Variants in SESN1 observed in about 807,000 individuals in gnomAD.
SESN1 encodes the protein sestrin-1.
A neutral mutation model predicts 59.3 loss-of-function variants in SESN1; 30 were observed. The ratio of observed to expected loss-of-function variants is 0.51; its 90% CI spans 0.38 to 0.69. The LOEUF is 0.69. Among genes scored for constraint, SESN1 ranks in the 30% least tolerant of loss-of-function variants. The pLI, the probability that SESN1 is intolerant of heterozygous loss-of-function variation, is 0.00. For missense variants in SESN1, 566 were observed against 673.0 expected, an observed-to-expected ratio of 0.84 and a Z score of 1.76; for synonymous variants, 197 against 219.9, an observed-to-expected ratio of 0.90 and a Z score of 0.92.
Position 108,992,904 on chromosome 6 carries a change from G to A in SESN1, c.1121-5C>T. 2 of 1,579,932 alleles carry A rather than the reference G, an allele frequency of 1.3e-6. No individual in the cohort carries two copies. The highest frequency in any genetic ancestry group is 1.7e-6 in the Non-Finnish European group (2 of 1,152,460). The stretch of plus-strand genomic sequence containing the variant: ...CTGGTGTAACTTCTTCATCATCTGG[G>A]AAAAAAGGCCATTGAAAGGTTTTTA... On this transcript the variant is annotated splice_polypyrimidine_tract_variant and splice_region_variant and intron_variant, in intron 6 of 9. Coordinates refer to ENST00000436639, the MANE Select transcript of SESN1 (RefSeq NM_014454.3).
intron 1 of SESN1, among the ~76,000 whole-genome samples, chr6:109,032,602 A>G (rs1211340855): frequency 6.7e-6 from 1 of 148,412 alleles, no homozygotes; most frequent in East Asian, 1.9e-4. Context: ...TGGGTGACAG[A>G]GCAAGACTTC....
At chr6:109,061,348 G>A (rs1009958620) in intron 1 of SESN1, among the ~76,000 whole-genome samples, 2 of 151,986 alleles carry the variant, frequency 1.3e-5, no homozygotes, top group Non-Finnish European at 2.9e-5. Flanking sequence ...TTCTATTTGT[G>A]TATAACATGT....
At chr6:109,054,505 C>G (rs1376033050) in intron 1 of SESN1, among the ~76,000 whole-genome samples, 1 of 151,936 alleles carries the variant, frequency 6.6e-6, no homozygotes, top group African/African-American at 2.4e-5. Context: ...TATGTTACAC[C>G]AATTTACATG....
rs1211187071 is a variant in SESN1, at chr6:109,092,456, T to C, written c.279+1339A>G. Among the ~76,000 whole-genome samples the C allele has an allele frequency of 2.0e-5, 3 of 152,202 alleles. No individual in the cohort carries two copies. The East Asian group carries it at 5.8e-4, about 29-fold the overall frequency. On this transcript the variant is annotated intron_variant, in intron 1 of 9. Transcript: ENST00000436639. The stretch of plus-strand genomic sequence containing the variant: ...ATTTTCAATATAACTCTTAACACGA[T>C]TGGTTATCTGGTTTCCCATTCTAAT...
Position 109,011,136 on chromosome 6 carries a change from C to G in SESN1, c.280-8793G>C, listed in dbSNP as rs141606462. 9.8e-4 allele frequency among the ~76,000 whole-genome samples: 149 copies of G among 152,292 alleles called. 1 individual carries two copies. Among genetic ancestry groups the G allele is most frequent in the African/African-American group, 3.2e-3 (135 of 41,566 alleles). On this transcript the variant is annotated intron_variant, in intron 1 of 9. Coordinates refer to ENST00000436639, the MANE Select transcript of SESN1 (RefSeq NM_014454.3). ...CATTTGTAAAATGAAGAATGCTTAT[C>G]TTTCCATTTTCTAATGAGAGGCAAG...
intron 1 of SESN1, among the ~76,000 whole-genome samples, chr6:109,004,465 C>T (rs1437565290): frequency 6.7e-6 from 1 of 148,886 alleles, no homozygotes; most frequent in African/African-American, 2.5e-5. Context: ...GAGACAGAGT[C>T]TCGCTGTGTC....
At position 108,987,612 on chromosome 6, in the gene SESN1, G is replaced by C; in HGVS notation, c.1588C>G (p.Leu530Val). 1 of 1,595,396 alleles carries C rather than the reference G, an allele frequency of 6.3e-7. No homozygotes were observed. The highest frequency in any genetic ancestry group is 8.6e-7 in the Non-Finnish European group (1 of 1,164,250). The change falls in exon 10 of 10, where the codon CTT (leucine) becomes GTT (valine). Residue 530 changes from leucine (L) to valine (V), a missense_variant. Transcript: ENST00000436639. ...HSEKVHVNLLLIEARMQAELL... is the reference protein window; with the variant it reads ...HSEKVHVNLLVIEARMQAELL... The stretch of plus-strand genomic sequence containing the variant: ...TCTGCTTGCATCCTAGCTTCTATAA[G>C]AAGCAGATTAACATGAACCTGAATA...
At chr6:108,989,607 A>C (rs888355955) in intron 8 of SESN1, among the ~76,000 whole-genome samples, 1 of 151,830 alleles carries the variant, frequency 6.6e-6, no homozygotes, top group African/African-American at 2.4e-5. Flanking sequence ...AGAGAGATAG[A>C]TATCTCTCTA....
chr6:109,072,123 T>A (rs1408683570), intron 1 of SESN1, among the ~76,000 whole-genome samples: 4 of 152,218 alleles, frequency 2.6e-5, no homozygotes, highest in African/African-American at 9.6e-5. Context: ...GGAGTGATCC[T>A]CTTTTACTAA....
At chr6:109,022,555 CCCA>C (rs1275572765) in intron 1 of SESN1, among the ~76,000 whole-genome samples, 1 of 150,792 alleles carries the variant, frequency 6.6e-6, no homozygotes, top group Non-Finnish European at 1.5e-5. Flanking sequence ...CCTACAGGTG[CCCA>C]CCACCACGCC....
chr6:108,998,062 CAAAGTTGATTA>C (rs1779537516), intron 5 of SESN1, among the ~76,000 whole-genome samples: 1 of 152,112 alleles, frequency 6.6e-6, no homozygotes, highest in Non-Finnish European at 1.5e-5. Flanking sequence ...ATTTCTAGAT[CAAAGTTGATTA>C]AATCTTCTGA....
chr6:109,091,368 C>T (rs1245523389), intron 1 of SESN1, among the ~76,000 whole-genome samples: 3 of 152,126 alleles, frequency 2.0e-5, no homozygotes, highest in Non-Finnish European at 1.5e-5. Context: ...TACCACCTAA[C>T]GATGCATTTC....
chr6:109,030,483 C>G (rs1015845107), intron 1 of SESN1, among the ~76,000 whole-genome samples: 4 of 152,114 alleles, frequency 2.6e-5, no homozygotes, highest in Non-Finnish European at 4.4e-5. Context: ...ACCTGAACTT[C>G]TCATGTCTCA....
intron 1 of SESN1, among the ~76,000 whole-genome samples, chr6:109,085,705 C>T (rs1781202802): frequency 6.6e-6 from 1 of 152,084 alleles, no homozygotes; most frequent in South Asian, 2.1e-4. Flanking sequence ...CAAAGTAAAC[C>T]CTATTTTCCA....
At chr6:109,015,566 T>A (rs1362765933) in intron 1 of SESN1, among the ~76,000 whole-genome samples, 1 of 152,182 alleles carries the variant, frequency 6.6e-6, no homozygotes, top group Non-Finnish European at 1.5e-5. Flanking sequence ...GGAGAATTCA[T>A]TCAGACATAT....
At chr6:109,091,604 A>G (rs1480862099) in intron 1 of SESN1, among the ~76,000 whole-genome samples, 2 of 152,146 alleles carry the variant, frequency 1.3e-5, no homozygotes, top group Admixed American at 6.5e-5. Context: ...TCACCTTTAC[A>G]TGGGTAATAT....
chr6:109,057,178 CCT>C (rs1388138424), intron 1 of SESN1, among the ~76,000 whole-genome samples: 2 of 152,210 alleles, frequency 1.3e-5, no homozygotes, highest in Non-Finnish European at 2.9e-5. Context: ...TGAGCCAGAA[CCT>C]CCCAGCTAAG....
At chr6:109,030,748 T>G (rs964676133) in intron 1 of SESN1, among the ~76,000 whole-genome samples, 1 of 152,234 alleles carries the variant, frequency 6.6e-6, no homozygotes, top group African/African-American at 2.4e-5. Context: ...TATAGGATTT[T>G]ATGGTCTACA....
chr6:109,021,368 T>C (rs1421787625), intron 1 of SESN1, among the ~76,000 whole-genome samples: 1 of 152,168 alleles, frequency 6.6e-6, no homozygotes, highest in East Asian at 1.9e-4. Context: ...TTTCCCCCAA[T>C]ATTTCATTGT....
Sources: allele counts gnomAD v4.1 joint callset (sites outside exome capture counted in the v4.1 genomes callset), GRCh38; gene constraint gnomAD v4.1.1; transcripts MANE v1.5; gene names NCBI Gene and HGNC (gene_info 2026-07-23, HGNC 2026-07-21).